The following IL18BP variants were observed in gnomAD, a reference collection of about 807,000 sequenced individuals.
IL18BP encodes interleukin 18 binding protein, also known as interleukin-18-binding protein.
A neutral mutation model predicts 19.9 loss-of-function variants in IL18BP; 23 were observed. The ratio of observed to expected loss-of-function variants is 1.15; its 90% CI spans 0.83 to 1.64. The LOEUF is 1.64. Among genes scored for constraint, IL18BP ranks in the 40% most tolerant of loss-of-function variants. The probability of loss-of-function intolerance (pLI) is 0.00; values close to 1 mark genes in which losing one functional copy is unlikely to be tolerated. For synonymous variants in IL18BP, 107 were observed against 101.0 expected (o/e 1.06, Z -0.35); for missense variants, 239 against 240.7 (o/e 0.99, Z 0.05).
Position 72,001,765 on chromosome 11 carries a change from T to G in IL18BP, c.508-19T>G, listed in dbSNP as rs1334994726. Reference sequence around the variant, plus strand: ...CCTCCTTTCCTTGGCCTGATCCTTGTCTGCCTTCACTTCCCTAGGCTGGGC... The same window carrying G: ...CCTCCTTTCCTTGGCCTGATCCTTGGCTGCCTTCACTTCCCTAGGCTGGGC... On this transcript the variant is annotated intron_variant, in intron 5 of 5. Transcript: ENST00000393703. The G allele has an allele frequency of 2.5e-6, 4 of 1,614,146 alleles. No individual in the cohort carries two copies. Among genetic ancestry groups the G allele is most frequent in the Non-Finnish European group, 3.4e-6 (4 of 1,179,994 alleles).
downstream of IL18BP, chr11:72,006,312 C>G (rs1955694005): frequency 6.6e-7 from 1 of 1,524,556 alleles, no homozygotes; most frequent in Non-Finnish European, 9.0e-7. Flanking sequence ...TGGCACTGTA[C>G]AGAAGCTTCC....
At chr11:72,004,737 A>T, downstream of IL18BP, 1 of 1,612,654 alleles carries the variant, frequency 6.2e-7, no homozygotes, top group South Asian at 1.1e-5. Context: ...GATTGGCTGC[A>T]TGCTGGCTCG....
downstream of IL18BP, chr11:72,007,863 G>A: frequency 2.9e-6 from 1 of 350,792 alleles, no homozygotes; most frequent in South Asian, 2.3e-5. Flanking sequence ...TTCCTGAACA[G>A]CTCCTAACCA....
downstream of IL18BP, chr11:72,005,156 G>C (rs1481641333): frequency 4.2e-6 from 6 of 1,444,708 alleles, no homozygotes; most frequent in Admixed American, 4.8e-5. Context: ...GGGCCCTAGT[G>C]CTCAGGCTAG....
chr11:72,005,520 G>A (rs1000718796), downstream of IL18BP: 34 of 676,664 alleles, frequency 5.0e-5, no homozygotes, highest in Non-Finnish European at 7.2e-5. Context: ...GCAGGAGTAC[G>A]GCACACAGAC....
chr11:72,004,576 C>T (rs369545792), downstream of IL18BP: 13 of 1,531,940 alleles, frequency 8.5e-6, no homozygotes, highest in East Asian at 4.5e-5. Context: ...CCCTTTAGTC[C>T]TTGGTGAGCT....
chr11:72,005,416 G>A, downstream of IL18BP: 1 of 1,584,448 alleles, frequency 6.3e-7, no homozygotes, highest in Non-Finnish European at 8.6e-7. Context: ...GAGTCGGCAG[G>A]TCACCTCCTG....
chr11:72,007,301 G>A (rs762651415), downstream of IL18BP: 6 of 1,613,134 alleles, frequency 3.7e-6, no homozygotes, highest in East Asian at 4.5e-5. Context: ...CTCCAGGGGG[G>A]CCTGACTCCG....
At chr11:71,999,105 T>C in intron 1 of IL18BP, 86 bp downstream of exon 1, 1 of 510,258 alleles carries the variant, frequency 2.0e-6, no homozygotes, top group South Asian at 1.4e-5. Flanking sequence ...TGATGGTGGG[T>C]GCTGGGAGAT....
At chr11:72,004,901 G>C (rs924845184), downstream of IL18BP, 2 of 1,311,698 alleles carry the variant, frequency 1.5e-6, no homozygotes, top group Admixed American at 5.4e-5. Flanking sequence ...CTCTACACTC[G>C]CCCGACACTT....
downstream of IL18BP, chr11:72,005,166 G>C (rs1955603039): frequency 6.7e-7 from 1 of 1,486,208 alleles, no homozygotes; most frequent in South Asian, 1.3e-5. Context: ...GCTCAGGCTA[G>C]ATCAGCAGGT....
Position 71,999,016 on chromosome 11 carries a change from C to T in IL18BP, c.-62C>T. 1 of 355,028 alleles carries T rather than the reference C, an allele frequency of 2.8e-6. No individual in the cohort carries two copies. Among genetic ancestry groups the T allele is most frequent in the South Asian group, 2.3e-5 (1 of 43,730 alleles). 22.0% of individuals were successfully genotyped at this position (355,028 alleles called of 1,614,324 possible). A position where few individuals can be genotyped will look rare whatever the true frequency, so the allele number is the denominator to read the frequency against. ...AAGGCTCTTCAGGACCTCTTAGGAG[C>T]CAGGTAGGAGTCTGGGACTACTAGT... On this transcript the variant is annotated 5_prime_UTR_variant, in exon 1 of 6. Transcript: ENST00000393703.
chr11:72,006,078 A>T, downstream of IL18BP: 1 of 1,614,034 alleles, frequency 6.2e-7, no homozygotes, highest in Non-Finnish European at 8.5e-7. Flanking sequence ...AACGACGAGC[A>T]GAACTGCGAG....
downstream of IL18BP, chr11:72,007,057 C>T: frequency 1.8e-6 from 2 of 1,113,388 alleles, no homozygotes; most frequent in Non-Finnish European, 1.3e-6. Flanking sequence ...TTTTTAAGAC[C>T]TCTCAGCTTT....
At chr11:72,003,399 C>T, downstream of IL18BP, 1 of 921,220 alleles carries the variant, frequency 1.1e-6, no homozygotes, top group African/African-American at 1.6e-5. Flanking sequence ...GCAGGCATCA[C>T]TGTCTCTAGG....
chr11:72,001,665 C>CA (rs779892301), intron 5 of IL18BP, 113 bp downstream of exon 5: 7 of 1,605,352 alleles, frequency 4.4e-6, no homozygotes, highest in Non-Finnish European at 6.0e-6. Flanking sequence ...CAGCATTCCT[C>CA]AAGGTCAGCC....
At chr11:72,007,507 T>C, downstream of IL18BP, 2 of 1,560,772 alleles carry the variant, frequency 1.3e-6, no homozygotes, top group Non-Finnish European at 1.7e-6. Context: ...TTTTTGAAAG[T>C]GACCATTTCC....
downstream of IL18BP, chr11:72,003,802 A>T (rs1955442847): frequency 7.2e-7 from 1 of 1,385,696 alleles, no homozygotes; most frequent in African/African-American, 1.4e-5. Flanking sequence ...GCGTGGCCCC[A>T]TCTTGGATGC....
downstream of IL18BP, chr11:72,003,396 T>C (rs1955394296): frequency 2.2e-6 from 2 of 895,820 alleles, no homozygotes; most frequent in Non-Finnish European, 3.7e-6. Context: ...CGGGCAGGCA[T>C]CACTGTCTCT....
Sources: gnomAD v4.1 joint callset for allele counts on GRCh38, gnomAD v4.1.1 for gene constraint, MANE v1.5 for transcripts, NCBI Gene and HGNC (gene_info 2026-07-23, HGNC 2026-07-21) for gene names.